RTF2: variants seen among roughly 807,000 people sequenced by gnomAD.
RTF2 encodes the protein UPF0549 protein C20orf43.
In RTF2, 18 loss-of-function variants were observed where a neutral mutation model predicts 38.0. The ratio of observed to expected loss-of-function variants is 0.47; its 90% CI spans 0.33 to 0.70. The LOEUF is 0.70. RTF2 is among the 30% of genes least tolerant of loss of function. RTF2 has a pLI of 0.02. For synonymous variants in RTF2, 126 were observed against 137.1 expected, an observed-to-expected ratio of 0.92 and a Z score of 0.57; for missense variants, 311 against 379.6, an observed-to-expected ratio of 0.82 and a Z score of 1.50.
intron 5 of RTF2, among the ~76,000 whole-genome samples, chr20:56,486,609 A>G (rs1053813722): frequency 3.9e-5 from 6 of 152,242 alleles, no homozygotes; most frequent in African/African-American, 1.4e-4. Context: ...AGATTGTGCC[A>G]CTGCATTCCA....
At chr20:56,512,638 G>A (rs1047666040) in intron 5 of RTF2, among the ~76,000 whole-genome samples, 11 of 152,118 alleles carry the variant, frequency 7.2e-5, no homozygotes, top group Non-Finnish European at 1.2e-4. Context: ...CAAGGCTGCC[G>A]TCATGCTTGG....
intron 6 of RTF2, among the ~76,000 whole-genome samples, chr20:56,515,408 C>G (rs937265888): frequency 6.6e-6 from 1 of 152,068 alleles, no homozygotes; most frequent in Non-Finnish European, 1.5e-5. Context: ...CCCATCTCTA[C>G]TAAAAATACA....
intron 3 of RTF2, 40 bp downstream of exon 3, chr20:56,474,811 A>G (rs750134906): frequency 1.0e-5 from 13 of 1,296,404 alleles, no homozygotes; most frequent in Middle Eastern, 1.9e-4. Flanking sequence ...GGGTCTGAAC[A>G]GTGGCTGAGG....
intron 6 of RTF2, 196 bp from the exon 7 acceptor site, chr20:56,516,739 C>G (rs1985063174): frequency 1.6e-6 from 1 of 625,776 alleles, no homozygotes; most frequent in Non-Finnish European, 2.9e-6. Flanking sequence ...GGCAGAAGTG[C>G]ATGACTGGTG....
chr20:56,477,305 C>T (rs1392649094), intron 4 of RTF2, among the ~76,000 whole-genome samples, 181 bp downstream of exon 4: 1 of 152,142 alleles, frequency 6.6e-6, no homozygotes, highest in Non-Finnish European at 1.5e-5. Context: ...GCCATTGCTA[C>T]GGGACTTCCA....
intron 5 of RTF2, among the ~76,000 whole-genome samples, chr20:56,499,719 T>G (rs1291372158): frequency 1.4e-5 from 2 of 145,978 alleles, no homozygotes; most frequent in Non-Finnish European, 3.0e-5. Context: ...TTGGGTTTTG[T>G]TTTTTTTTTT....
intron 4 of RTF2, among the ~76,000 whole-genome samples, chr20:56,481,869 T>C (rs1982543182): frequency 6.6e-6 from 1 of 152,234 alleles, no homozygotes; most frequent in African/African-American, 2.4e-5. Flanking sequence ...ATATTTCATA[T>C]GCATAGAATC....
At chr20:56,496,711 CT>C in intron 5 of RTF2, 1 of 1,551,636 alleles carries the variant, frequency 6.4e-7, no homozygotes. Context: ...TGAAGCATGT[CT>C]TTTGCATGGA....
chr20:56,484,079 ACAGTC>A (rs1296926818), intron 4 of RTF2, 27 bp from the exon 5 acceptor site: 2 of 1,591,318 alleles, frequency 1.3e-6, no homozygotes, highest in African/African-American at 2.7e-5. Flanking sequence ...TGTGATTAAT[ACAGTC>A]CTTCCCCCAC....
At chr20:56,479,270 G>A (rs932065114) in intron 4 of RTF2, among the ~76,000 whole-genome samples, 2 of 152,040 alleles carry the variant, frequency 1.3e-5, no homozygotes, top group Non-Finnish European at 2.9e-5. Flanking sequence ...CTGTTGCCCC[G>A]TCTGGAGTGC....
rs79967082 is a variant in RTF2, at chr20:56,506,490, A to G, written c.478-6825A>G. On this transcript the variant is annotated intron_variant, in intron 5 of 8. Coordinates refer to ENST00000357348, the MANE Select transcript of RTF2 (RefSeq NM_016407.5). Reference sequence around the variant, plus strand: ...ATTTGTTAAAGTGATATAAATATCTAGATACATTAGCATATTGCTCCTAAT... The same window carrying G: ...ATTTGTTAAAGTGATATAAATATCTGGATACATTAGCATATTGCTCCTAAT... Among the ~76,000 whole-genome samples the G allele has an allele frequency of 8.3e-3, 1,257 of 152,284 alleles. 18 individuals carry two copies. Among genetic ancestry groups the G allele is most frequent in the African/African-American group, 0.029 (1,201 of 41,552 alleles).
intron 5 of RTF2, chr20:56,495,312 A>C (rs1437958550): frequency 6.5e-7 from 1 of 1,539,098 alleles, no homozygotes; most frequent in African/African-American, 1.4e-5. Flanking sequence ...GAGGAAAACA[A>C]AACCAGCATT....
chr20:56,508,670 C>T (rs1000848436), intron 5 of RTF2, among the ~76,000 whole-genome samples: 7 of 152,134 alleles, frequency 4.6e-5, no homozygotes, highest in Non-Finnish European at 1.0e-4. Context: ...GGCATGAGAA[C>T]GGGCATATAC....
At chr20:56,495,713 T>TA (rs950378828) in intron 5 of RTF2, among the ~76,000 whole-genome samples, 37 of 152,244 alleles carry the variant, frequency 2.4e-4, no homozygotes, top group African/African-American at 7.0e-4. Flanking sequence ...GAAATTATAT[T>TA]AAAAAAACCC....
Position 56,517,234 on chromosome 20 carries a change from C to T in RTF2, c.742+33C>T, listed in dbSNP as rs772711496. ...CTGTTGTAGCTACAGGGAGCTGTTT[C>T]GAGAAGGCTGGAAACCCAGGTGGCC... On this transcript the variant is annotated intron_variant, in intron 8 of 8. Transcript: ENST00000357348. The T allele has an allele frequency of 3.9e-5, 62 of 1,583,970 alleles. No individual in the cohort carries two copies. In the Admixed American group the frequency reaches 4.6e-4, roughly 12 times the overall value.
At chr20:56,514,864 C>A (rs2146380246) in intron 6 of RTF2, among the ~76,000 whole-genome samples, 1 of 152,194 alleles carries the variant, frequency 6.6e-6, no homozygotes, top group East Asian at 1.9e-4. Context: ...GATGTTAATA[C>A]AACATTCCTA....
At chr20:56,481,943 G>A (rs1982546586) in intron 4 of RTF2, among the ~76,000 whole-genome samples, 1 of 152,196 alleles carries the variant, frequency 6.6e-6, no homozygotes, top group Non-Finnish European at 1.5e-5. Context: ...GCTCACCCCA[G>A]AAGAGGAACT....
chr20:56,491,551 C>T, intron 5 of RTF2: 1 of 1,519,094 alleles, frequency 6.6e-7, no homozygotes, highest in Non-Finnish European at 8.9e-7. Flanking sequence ...AGAAAGCAAA[C>T]ACTCCCTAGC....
chr20:56,504,443 T>G (rs1307654011), intron 5 of RTF2: 1 of 152,204 alleles, frequency 6.6e-6, no homozygotes, highest in African/African-American at 2.4e-5. Flanking sequence ...GATTTAGTTA[T>G]CAGACCCTCT....
Sources: gnomAD v4.1 joint callset for allele counts (sites outside exome capture counted in the v4.1 genomes callset) on GRCh38, gnomAD v4.1.1 for gene constraint, MANE v1.5 for transcripts, NCBI Gene and HGNC (gene_info 2026-07-23, HGNC 2026-07-21) for gene names.